The following TNFSF15 variants were observed in gnomAD, a reference collection of about 807,000 sequenced individuals.
TNFSF15 encodes TNF superfamily member 15, also known as tumor necrosis factor ligand superfamily member 15.
In TNFSF15, 15 loss-of-function variants were observed where a neutral mutation model predicts 26.4. That is an observed-to-expected ratio of 0.57 (90% CI 0.38 to 0.87). The LOEUF is 0.87. Among genes scored for constraint, TNFSF15 ranks in the 40% least tolerant of loss-of-function variants. The pLI, the probability that TNFSF15 is intolerant of heterozygous loss-of-function variation, is 0.00. For synonymous variants in TNFSF15, 116 were observed against 115.0 expected (o/e 1.01, Z -0.06); for missense variants, 290 against 306.1 (o/e 0.95, Z 0.39).
chr9:114,790,529 T>G lies in TNFSF15; in HGVS notation c.679A>C (p.Met227Leu), dbSNP rs138476552. The G allele has an allele frequency of 3.1e-4, 503 of 1,614,190 alleles. No homozygotes were observed. Among genetic ancestry groups the G allele is most frequent in the Non-Finnish European group, 4.1e-4 (484 of 1,180,010 alleles). The change falls in exon 4 of 4, where the codon ATG becomes CTG. Residue 227 changes from methionine to leucine, a missense_variant. Met to Leu is a conservative substitution (Grantham distance 15). This residue lies in a region of TNFSF15 where 102 missense variants were observed against 114.7 expected (regional missense o/e 0.89). Transcript: ENST00000374045. ...AAAGAGATGTCACTGACGTTCACCA[T>G]TAGCTTGTCCCCTTCTTGCAAGGAG... ...MFSLQEGDKL[M>L]VNVSDISLVD... is the part of the protein sequence containing the mutation.
At chr9:114,791,521 G>A (rs1829597698) in intron 3 of TNFSF15, 1 of 170,146 alleles carries the variant, frequency 5.9e-6, no homozygotes, top group Non-Finnish European at 1.4e-5. Flanking sequence ...TAACACCAAT[G>A]TCTTGGGCCA....
chr9:114,801,059 T>G (rs1206762155), intron 1 of TNFSF15, among the ~76,000 whole-genome samples: 1 of 152,092 alleles, frequency 6.6e-6, no homozygotes, highest in Non-Finnish European at 1.5e-5. Context: ...GAAGTAGAAC[T>G]GAAAAGGGAA....
At chr9:114,791,656 G>C (rs1488184525) in intron 3 of TNFSF15, 1 of 167,106 alleles carries the variant, frequency 6.0e-6, no homozygotes, top group East Asian at 1.9e-4. Context: ...CTTTCCTCTG[G>C]AGTCTCAGAG....
chr9:114,794,634 C>T (rs1388266345), intron 1 of TNFSF15, among the ~76,000 whole-genome samples: 4 of 151,970 alleles, frequency 2.6e-5, no homozygotes, highest in Non-Finnish European at 5.9e-5. Context: ...ATATCTCTAT[C>T]AAGATATAGA....
intron 1 of TNFSF15, among the ~76,000 whole-genome samples, chr9:114,804,935 C>T (rs1829798025): frequency 6.6e-6 from 1 of 152,124 alleles, no homozygotes; most frequent in African/African-American, 2.4e-5. Context: ...TGAAATCAGC[C>T]ACCATAGATT....
intron 1 of TNFSF15, among the ~76,000 whole-genome samples, chr9:114,801,202 C>A (rs764887582): frequency 9.8e-5 from 15 of 152,324 alleles, no homozygotes; most frequent in Admixed American, 7.8e-4. Flanking sequence ...TTTGCCTGCA[C>A]AGACTTTGTG....
At position 114,790,251 on chromosome 9, in the gene TNFSF15, CT is replaced by C; in HGVS notation, c.*200del. 2.5e-5 allele frequency: 13 copies of C among 519,598 alleles called. No homozygotes were observed. The highest frequency in any genetic ancestry group is 4.0e-5 in the Non-Finnish European group (12 of 296,604). The allele number at this position is 519,598 out of a possible 1,614,324, so 32.2% of individuals were successfully genotyped here. ...TAATAATATATTTGCTCTCTTCAGC[CT>C]TTTTCCAGTTAGTACTCTCATCAGT... is the stretch of plus-strand genomic sequence containing the variant. On this transcript the variant is annotated 3_prime_UTR_variant, in exon 4 of 4. Transcript: ENST00000374045.
rs1408692404 is a variant in TNFSF15 at position 114,790,694 on chromosome 9, T to C, written c.514A>G (p.Asn172Asp). The C allele has an allele frequency of 6.2e-7, 1 of 1,613,998 alleles. No individual in the cohort carries two copies. The highest frequency in any genetic ancestry group is 8.5e-7 in the Non-Finnish European group (1 of 1,179,994). ...ACCACAGTGATGGAGTCTGGCTTGTTTGGTCGGCCTGCTTGTCTGATTTCA... is the reference window on the plus strand; with the variant it reads ...ACCACAGTGATGGAGTCTGGCTTGTCTGGTCGGCCTGCTTGTCTGATTTCA... ...CSEIRQAGRP[N>D]KPDSITVVIT... The change falls in exon 4 of 4, where the codon AAC becomes GAC. Residue 172 changes from asparagine to aspartate, a missense_variant. Asn to Asp is a conservative substitution (Grantham distance 23). Around this residue, in one of 3 missense-constraint regions of TNFSF15, gnomAD observed 102 missense variants for 114.7 expected, o/e 0.89. Coordinates refer to ENST00000374045, the MANE Select transcript of TNFSF15 (RefSeq NM_005118.4).
Position 114,791,183 on chromosome 9 carries a change from G to C in TNFSF15, c.302-277C>G, listed in dbSNP as rs563250829. The C allele has an allele frequency of 2.7e-4, 154 of 568,940 alleles. 1 individual carries two copies. The South Asian group carries it at 2.9e-3, about 11-fold the overall frequency. 35.2% of individuals were successfully genotyped at this position (568,940 alleles called of 1,614,324 possible). A position where few individuals can be genotyped will look rare whatever the true frequency, so the allele number is the denominator to read the frequency against. ...ATTTTTAATTTTACCTGAGACCTAT[G>C]ATCCTGGAGAACAATGAAGGTTAAG... On this transcript the variant is annotated intron_variant, in intron 3 of 3. Transcript: ENST00000374045.
chr9:114,790,988 A>C, intron 3 of TNFSF15, 82 bp from the exon 4 acceptor site: 1 of 1,405,506 alleles, frequency 7.1e-7, no homozygotes, highest in Non-Finnish European at 9.9e-7. Context: ...TCATTTTCAA[A>C]ATAGACTAAA....
intron 1 of TNFSF15, among the ~76,000 whole-genome samples, chr9:114,793,893 A>G (rs1037391544): frequency 1.3e-5 from 2 of 152,254 alleles, no homozygotes; most frequent in African/African-American, 4.8e-5. Flanking sequence ...ATTTGAACAA[A>G]TAATGGCACT....
At chr9:114,800,612 T>A (rs1564347003) in intron 1 of TNFSF15, among the ~76,000 whole-genome samples, 1 of 152,200 alleles carries the variant, frequency 6.6e-6, no homozygotes, top group Non-Finnish European at 1.5e-5. Flanking sequence ...CTCTAAAATG[T>A]GGATAATAAT....
rs1829515492 is a variant in TNFSF15, at chr9:114,787,169, T to C, written c.*3283A>G. ...CTGTCTCTACATGTAGTTTAAATAA[T>C]GGATTCTACAATAAAAAATGGGAAC... On this transcript the variant is annotated 3_prime_UTR_variant, in exon 4 of 4. Transcript: ENST00000374045. 2 of 152,148 alleles carry C rather than the reference T, an allele frequency of 1.3e-5. No individual in the cohort carries two copies. Among genetic ancestry groups the C allele is most frequent in the East Asian group, 3.8e-4 (2 of 5,200 alleles). 9.4% of individuals were successfully genotyped at this position (152,148 alleles called of 1,614,324 possible).
In TNFSF15 at chr9:114,788,678, G is replaced by A. The variant is rs371703308; in HGVS notation, c.*1774C>T. On this transcript the variant is annotated 3_prime_UTR_variant, in exon 4 of 4. Coordinates refer to ENST00000374045, the MANE Select transcript of TNFSF15 (RefSeq NM_005118.4). Reference sequence around the variant, plus strand: ...CCAGGATAGGAAGCATTTATAATACGGGCCAAGGGTCACCAGTCATATAAT... The same window carrying A: ...CCAGGATAGGAAGCATTTATAATACAGGCCAAGGGTCACCAGTCATATAAT... The A allele has an allele frequency of 5.1e-4, 78 of 152,144 alleles. 1 individual carries two copies. The highest frequency in any genetic ancestry group is 1.8e-3 in the African/African-American group (73 of 41,476). 9.4% of individuals were successfully genotyped at this position (152,144 alleles called of 1,614,324 possible).
In TNFSF15 at chr9:114,785,562, C is replaced by T. The variant is rs956966430; in HGVS notation, c.*4890G>A. ...CCCCAACCTCTGTGAAGAATAGCTT[C>T]TACAAAAACCCTTGTGACAAGCCCT... On this transcript the variant is annotated 3_prime_UTR_variant, in exon 4 of 4. Coordinates refer to ENST00000374045, the MANE Select transcript of TNFSF15 (RefSeq NM_005118.4). The T allele has an allele frequency of 6.3e-4, 96 of 152,352 alleles. No homozygotes were observed. Among genetic ancestry groups the T allele is most frequent in the African/African-American group, 2.0e-3 (85 of 41,582 alleles). The allele number at this position is 152,352 out of a possible 1,614,324, so 9.4% of individuals were successfully genotyped here. A position where few individuals can be genotyped will look rare whatever the true frequency, so the allele number is the denominator to read the frequency against.
Position 114,790,583 on chromosome 9 carries a change from A to G in TNFSF15, c.625T>C (p.Phe209Leu). Reference protein sequence around the residue: ...KSVCEVGSNWFQPIYLGAMFS... With the variant: ...KSVCEVGSNWLQPIYLGAMFS... ...ATGGCTCCGAGGTAGATGGGCTGGA[A>G]CCAGTTGCTACCTACTTCGCATACA... Residue 209 changes from phenylalanine (F) to leucine (L), a missense_variant, in exon 4 of 4, where the codon TTC (phenylalanine) becomes CTC (leucine). Transcript: ENST00000374045. The G allele has an allele frequency of 6.2e-7, 1 of 1,614,080 alleles. No homozygotes were observed. The highest frequency in any genetic ancestry group is 1.1e-5 in the South Asian group (1 of 91,076).
At chr9:114,793,667 G>T in intron 1 of TNFSF15, 99 bp from the exon 2 acceptor site, 2 of 1,147,494 alleles carry the variant, frequency 1.7e-6, no homozygotes, top group Non-Finnish European at 2.6e-6. Context: ...AGCTTCTGCT[G>T]CCCAGCCTGG....
intron 1 of TNFSF15, among the ~76,000 whole-genome samples, chr9:114,799,301 T>C (rs900050874): frequency 6.6e-6 from 1 of 152,202 alleles, no homozygotes; most frequent in Non-Finnish European, 1.5e-5. Flanking sequence ...CCAGGTCTAT[T>C]GTGATGGCTC....
intron 1 of TNFSF15, among the ~76,000 whole-genome samples, chr9:114,797,318 C>T (rs1300324768): frequency 6.6e-6 from 1 of 152,170 alleles, no homozygotes; most frequent in Non-Finnish European, 1.5e-5. Context: ...TAAGTATGGT[C>T]CAGTGTGCCA....
Sources: gnomAD v4.1 joint callset for allele counts (sites outside exome capture counted in the v4.1 genomes callset) on GRCh38, gnomAD v4.1.1 for gene constraint, gnomAD v4.1.1 regional missense constraint, MANE v1.5 for transcripts, NCBI Gene and HGNC (gene_info 2026-07-23, HGNC 2026-07-21) for gene names.